Variants in CFAP210 observed in about 807,000 individuals in gnomAD.
CFAP210 encodes cilia- and flagella- associated protein 210.
the CFAP210 span, chr2:169,694,320 GTGTCCATGA>G: frequency 6.2e-7 from 1 of 1,613,922 alleles, no homozygotes; most frequent in Non-Finnish European, 8.5e-7. Context: ...CTCTGACGAG[GTGTCCATGA>G]TGCTCCTAGA....
chr2:169,692,444 G>GCACACACACACACA, the CFAP210 span, among the ~76,000 whole-genome samples: 160 of 143,784 alleles, frequency 1.1e-3, 1 homozygote, highest in African/African-American at 3.9e-3. Context: ...ACAGGCGCAC[G>GCACACACACACACA]CACACACACA....
At chr2:169,687,071 G>A in the CFAP210 span, among the ~76,000 whole-genome samples, 94 of 152,228 alleles carry the variant, frequency 6.2e-4, no homozygotes, top group African/African-American at 2.2e-3. Context: ...CTCATGAGAC[G>A]TATTCACTAT....
chr2:169,648,879 A>G, the CFAP210 span, among the ~76,000 whole-genome samples: 3 of 152,216 alleles, frequency 2.0e-5, no homozygotes, highest in African/African-American at 7.2e-5. Flanking sequence ...TCTCTGAGAT[A>G]TGGGAAAAAA....
chr2:169,650,311 C>T, the CFAP210 span: 1 of 1,532,918 alleles, frequency 6.5e-7, no homozygotes, highest in East Asian at 2.3e-5. Context: ...TTTTTATTTT[C>T]ATAATTGAAT....
the CFAP210 span, among the ~76,000 whole-genome samples, chr2:169,684,818 A>G: frequency 6.6e-6 from 1 of 151,998 alleles, no homozygotes; most frequent in Non-Finnish European, 1.5e-5. Flanking sequence ...ATGCCCAGCT[A>G]ATTTTTTTTG....
chr2:169,662,290 C>G, the CFAP210 span: 2 of 1,595,836 alleles, frequency 1.3e-6, no homozygotes, highest in Non-Finnish European at 1.7e-6. Context: ...AAGAAACCGT[C>G]TCCTGCTTTC....
the CFAP210 span, among the ~76,000 whole-genome samples, chr2:169,647,402 G>A: frequency 1.3e-5 from 2 of 152,042 alleles, no homozygotes; most frequent in Non-Finnish European, 2.9e-5. Flanking sequence ...TATGCATTAA[G>A]CATAAATATA....
the CFAP210 span, among the ~76,000 whole-genome samples, chr2:169,666,485 T>A: frequency 6.6e-6 from 1 of 151,370 alleles, no homozygotes; most frequent in Admixed American, 6.6e-5. Flanking sequence ...AAGCCCACAA[T>A]ATCTCTGAGG....
chr2:169,684,421 C>T, the CFAP210 span, among the ~76,000 whole-genome samples: 2 of 152,210 alleles, frequency 1.3e-5, no homozygotes, highest in Admixed American at 6.5e-5. Flanking sequence ...ATTCAGAACA[C>T]TTTCATCATT....
chr2:169,674,041 G>T, the CFAP210 span, among the ~76,000 whole-genome samples: 1 of 152,070 alleles, frequency 6.6e-6, no homozygotes, highest in Non-Finnish European at 1.5e-5. Flanking sequence ...TTGTTGTTGG[G>T]GTTGGCCATG....
At chr2:169,663,130 C>G in the CFAP210 span, among the ~76,000 whole-genome samples, 1 of 152,154 alleles carries the variant, frequency 6.6e-6, no homozygotes, top group Admixed American at 6.5e-5. Flanking sequence ...GTCTCAAAGG[C>G]CCTTCATCCA....
At chr2:169,648,378 G>A in the CFAP210 span, among the ~76,000 whole-genome samples, 1 of 152,004 alleles carries the variant, frequency 6.6e-6, no homozygotes, top group African/African-American at 2.4e-5. Context: ...ATGTATAGTG[G>A]CCATGATCAA....
At chr2:169,673,156 G>T in the CFAP210 span, among the ~76,000 whole-genome samples, 61,975 of 151,950 alleles carry the variant, frequency 0.41, 12,918 homozygotes, top group Non-Finnish European at 0.44. Context: ...AAGAAACAAC[G>T]AAAATAAATC....
the CFAP210 span, among the ~76,000 whole-genome samples, chr2:169,679,703 A>G: frequency 6.8e-6 from 1 of 146,298 alleles, no homozygotes; most frequent in African/African-American, 2.5e-5. Flanking sequence ...AAAAAAAAAA[A>G]GGTGCCAGTG....
the CFAP210 span, among the ~76,000 whole-genome samples, chr2:169,671,331 G>C: frequency 6.6e-6 from 1 of 152,174 alleles, no homozygotes; most frequent in Non-Finnish European, 1.5e-5. Flanking sequence ...GCAGGAACCA[G>C]TTTCTTCTGC....
At chr2:169,656,411 A>AG in the CFAP210 span, among the ~76,000 whole-genome samples, 1 of 151,654 alleles carries the variant, frequency 6.6e-6, no homozygotes, top group African/African-American at 2.4e-5. Context: ...GATGAAGTAG[A>AG]GAAGGAGGAG....
the CFAP210 span, among the ~76,000 whole-genome samples, chr2:169,647,192 C>CAAA: frequency 3.3e-5 from 5 of 151,144 alleles, no homozygotes; most frequent in African/African-American, 1.2e-4. Context: ...GAGAAAAAGT[C>CAAA]AAAAAAAAGC....
At chr2:169,671,862 T>C in the CFAP210 span, among the ~76,000 whole-genome samples, 2 of 152,222 alleles carry the variant, frequency 1.3e-5, no homozygotes, top group South Asian at 2.1e-4. Flanking sequence ...CAATAAATGT[T>C]TGTATGAATG....
the CFAP210 span, among the ~76,000 whole-genome samples, chr2:169,662,750 G>T: frequency 1.7e-4 from 26 of 152,308 alleles, no homozygotes; most frequent in African/African-American, 5.3e-4. Context: ...TTACAGAAAG[G>T]TTCCTAATCC....
Sources: allele counts gnomAD v4.1 joint callset (sites outside exome capture counted in the v4.1 genomes callset), GRCh38; gene constraint gnomAD v4.1.1; transcripts MANE v1.5; gene names NCBI Gene and HGNC (gene_info 2026-07-23, HGNC 2026-07-21).